Variants in MICAL1 observed in about 807,000 individuals in gnomAD.
The protein encoded by MICAL1 is microtubule associated monooxygenase, calponin and LIM domain containing 1.
A neutral mutation model predicts 131.8 loss-of-function variants in MICAL1; 95 were observed. The observed-to-expected ratio is 0.72, with a 90% CI of 0.61 to 0.86. The LOEUF is 0.86. Among genes scored for constraint, MICAL1 ranks in the 40% least tolerant of loss-of-function variants. MICAL1 has a pLI of 0.00. For missense variants in MICAL1, 1,292 were observed against 1,380.6 expected (o/e 0.94, Z 1.02); for synonymous variants, 546 against 554.2 (o/e 0.99, Z 0.21).
upstream of MICAL1, among the ~76,000 whole-genome samples, chr6:109,456,865 T>C (rs1239170074): frequency 6.6e-5 from 10 of 152,182 alleles, no homozygotes; most frequent in African/African-American, 2.2e-4. Context: ...GCAGAGCTGT[T>C]TGGGGGCCCA....
intron 7 of MICAL1, 76 bp from the exon 8 acceptor site, chr6:109,450,633 C>CTGGAGAGGTGGAAAA: frequency 6.7e-7 from 1 of 1,484,814 alleles, no homozygotes; most frequent in Non-Finnish European, 9.0e-7. Flanking sequence ...CCCTTGGGCG[C>CTGGAGAGGTGGAAAA]AGAAGGTGCA....
At chr6:109,449,262 C>A in intron 11 of MICAL1, 138 bp downstream of exon 11, 1 of 966,354 alleles carries the variant, frequency 1.0e-6, no homozygotes, top group Non-Finnish European at 1.7e-6. Flanking sequence ...CAGCAGGCCC[C>A]CAACCAACCC....
rs1259006052 is a variant in MICAL1, at chr6:109,455,200, G to C, written c.-44+519C>G. On this transcript the variant is annotated intron_variant, in intron 1 of 24. Coordinates refer to ENST00000358807, the MANE Select transcript of MICAL1 (RefSeq NM_022765.4). The surrounding 1 kb of genome is among the most constrained non-coding windows in gnomAD (Gnocchi z 4.7). ...GTATCAGAGGGTATGGAGGAGGCGG[G>C]TGTCCACGGCAGCGTTAGGGAGGGT... 1.3e-5 allele frequency among the ~76,000 whole-genome samples: 2 copies of C among 152,224 alleles called. No individual in the cohort carries two copies. The highest frequency in any genetic ancestry group is 2.9e-5 in the Non-Finnish European group (2 of 68,030).
In MICAL1 at chr6:109,455,009, G is replaced by GCCCCTCCCAGGTTCC. The variant is rs561917726; in HGVS notation, c.-44+695_-44+709dup. The GCCCCTCCCAGGTTCC allele has an allele frequency of 6.6e-6, 1 of 152,148 alleles. No homozygotes were observed. Among genetic ancestry groups the GCCCCTCCCAGGTTCC allele is most frequent in the Admixed American group, 6.5e-5 (1 of 15,276 alleles). 9.4% of individuals were successfully genotyped at this position (152,148 alleles called of 1,614,324 possible). A position where few individuals can be genotyped will look rare whatever the true frequency, so the allele number is the denominator to read the frequency against. On this transcript the variant is annotated intron_variant, in intron 1 of 24. Coordinates refer to ENST00000358807, the MANE Select transcript of MICAL1 (RefSeq NM_022765.4). The surrounding 1 kb of genome is among the most constrained non-coding windows in gnomAD (Gnocchi z 4.7). ...CTGGGGGTCGACCGCAGCCGGGTGCGCCCCTCCCAGGTTCCCCCCTCCCTG... is the reference window on the plus strand; with the variant it reads ...CTGGGGGTCGACCGCAGCCGGGTGCGCCCCTCCCAGGTTCCCCCCTCCCAGGTTCCCCCCTCCCTG...
At chr6:109,456,085 A>T, upstream of MICAL1, 1 of 938,384 alleles carries the variant, frequency 1.1e-6, no homozygotes, top group Non-Finnish European at 1.3e-6. Context: ...TTGGGGGCTG[A>T]GGAGCTCGAG....
Position 109,449,440 on chromosome 6 carries a change from C to G in MICAL1, c.1476G>C (p.Gln492His), listed in dbSNP as rs1775413415. ...CTGTATCTGTCTTGTCGTTGTTCCT[C>G]TGCACAGGCTCCTTGGCTAGCACAT... ...LYDVLAKEPV[Q>H]RNNDKTDTGM... The change falls in exon 11 of 25, where the codon CAG becomes CAC. Residue 492 changes from glutamine to histidine, a missense_variant. Coordinates refer to ENST00000358807, the MANE Select transcript of MICAL1 (RefSeq NM_022765.4). The G allele has an allele frequency of 6.2e-7, 1 of 1,614,122 alleles. No individual in the cohort carries two copies. Among genetic ancestry groups the G allele is most frequent in the African/African-American group, 1.3e-5 (1 of 74,932 alleles).
rs1198471424 is a variant in MICAL1, at chr6:109,455,234, G to A, written c.-44+485C>T. On this transcript the variant is annotated intron_variant, in intron 1 of 24. Coordinates refer to ENST00000358807, the MANE Select transcript of MICAL1 (RefSeq NM_022765.4). This position sits in a 1 kb window ranked among gnomAD's most constrained non-coding sequence, Gnocchi z 4.7. ...GCAGCGTTAGGGAGGGTGAATGGCA[G>A]CAGTGGGGGCAGGTCCCTGAGGCTC... 2.6e-5 allele frequency among the ~76,000 whole-genome samples: 4 copies of A among 152,230 alleles called. No individual in the cohort carries two copies. The highest frequency in any genetic ancestry group is 4.4e-5 in the Non-Finnish European group (3 of 68,044).
At position 109,446,445 on chromosome 6, in the gene MICAL1, G is replaced by A. The variant is rs1156860897; in HGVS notation, c.2305-33C>T. Reference sequence around the variant, plus strand: ...AGCCACCATGTGGAGTGAGGTCGGGGGGTGAGGCCACCCCTTCGGAGCAAA... The same window carrying A: ...AGCCACCATGTGGAGTGAGGTCGGGAGGTGAGGCCACCCCTTCGGAGCAAA... On this transcript the variant is annotated intron_variant, in intron 18 of 24. Transcript: ENST00000358807. 4 of 602,246 alleles carry A rather than the reference G, an allele frequency of 6.6e-6. No individual in the cohort carries two copies. In the East Asian group the frequency reaches 2.3e-4, roughly 35 times the overall value. The allele number at this position is 602,246 out of a possible 1,614,324, so 37.3% of individuals were successfully genotyped here. A position where few individuals can be genotyped will look rare whatever the true frequency, so the allele number is the denominator to read the frequency against.
intron 16 of MICAL1, 24 bp from the exon 17 acceptor site, chr6:109,447,253 G>C: frequency 6.2e-7 from 1 of 1,613,968 alleles, no homozygotes; most frequent in Non-Finnish European, 8.5e-7. Flanking sequence ...CAGGACACAG[G>C]GTCAGGTGGA....
In MICAL1 at chr6:109,449,737, G is replaced by T. The variant is rs773516023; in HGVS notation, c.1354C>A (p.His452Asn). The change falls in exon 10 of 25, where the codon CAT becomes AAT. Residue 452 changes from histidine to asparagine, a missense_variant. Coordinates refer to ENST00000358807, the MANE Select transcript of MICAL1 (RefSeq NM_022765.4). Reference protein sequence around the residue: ...LLSQTSPENMHRNVAQYGLDP... With the variant: ...LLSQTSPENMNRNVAQYGLDP... The stretch of plus-strand genomic sequence containing the variant: ...AGCCCATACTGGGCCACATTGCGAT[G>T]CATGTTTTCTGGGGATGTCTGTGAC... 1 of 1,606,948 alleles carries T rather than the reference G, an allele frequency of 6.2e-7. No individual in the cohort carries two copies. The highest frequency in any genetic ancestry group is 1.1e-5 in the South Asian group (1 of 89,754).
chr6:109,461,944 C>A (rs1450563582), intron 1 of MICAL1, among the ~76,000 whole-genome samples: 3 of 152,104 alleles, frequency 2.0e-5, no homozygotes. Flanking sequence ...TAATTACTCA[C>A]CTCACCAGAA....
chr6:109,452,531 C>A lies in MICAL1; in HGVS notation c.656G>T (p.Gly219Val), dbSNP rs765464483. The A allele has an allele frequency of 1.9e-5, 31 of 1,614,052 alleles. No individual in the cohort carries two copies. The Admixed American group carries it at 5.0e-4, about 26-fold the overall frequency. ...YEFDVLISAAGGKFVPEGFKV... is the reference protein window; with the variant it reads ...YEFDVLISAAVGKFVPEGFKV... ...CTCACCTTCAGGGACGAATTTACCT[C>A]CTGCAGCCGAGATAAGGACGTCAAA... is the stretch of plus-strand genomic sequence containing the variant. Residue 219 changes from glycine (G) to valine (V), a missense_variant, in exon 5 of 25, where the codon GGA becomes GTA. By Grantham distance (109) the Gly-to-Val change is moderately radical (BLOSUM62 -3). Transcript: ENST00000358807.
upstream of MICAL1, chr6:109,455,800 C>T (rs1463443562): frequency 1.1e-5 from 2 of 180,874 alleles, no homozygotes; most frequent in East Asian, 7.5e-4. The surrounding 1 kb of genome is among the most constrained non-coding windows in gnomAD (Gnocchi z 4.7). Flanking sequence ...GGGGCGGGGG[C>T]GGGGGCGGAA....
chr6:109,465,459 C>T, intron 1 of MICAL1: 1 of 607,698 alleles, frequency 1.6e-6, no homozygotes, highest in East Asian at 2.8e-5. Context: ...CCAGTTCAAC[C>T]AAAATGACTC....
Position 109,444,398 on chromosome 6 carries a change from A to G in MICAL1, c.3056-59T>C, listed in dbSNP as rs376581736. The G allele has an allele frequency of 1.6e-5, 25 of 1,607,088 alleles. No individual in the cohort carries two copies. In the East Asian group the frequency reaches 3.8e-4, roughly 24 times the overall value. ...AACTGGGCAGGGAAGCAGGAGGGCC[A>G]CAACCTAATCCCAGCCTATGTGATT... is the stretch of plus-strand genomic sequence containing the variant. On this transcript the variant is annotated intron_variant, in intron 24 of 24. Coordinates refer to ENST00000358807, the MANE Select transcript of MICAL1 (RefSeq NM_022765.4).
chr6:109,454,916 T>G (rs1775685528), intron 1 of MICAL1: 1 of 152,424 alleles, frequency 6.6e-6, no homozygotes, highest in African/African-American at 2.4e-5. Flanking sequence ...CTGGGTCTAT[T>G]TCTGACGCAC....
chr6:109,463,698 A>C (rs1049415368), intron 1 of MICAL1: 6 of 152,258 alleles, frequency 3.9e-5, no homozygotes, highest in Non-Finnish European at 7.3e-5. Context: ...GATGTGCAGA[A>C]AGTGTAAAAT....
Position 109,465,961 on chromosome 6 carries a change from T to C in MICAL1, c.-284A>G, listed in dbSNP as rs574657385. 4.3e-6 allele frequency: 7 copies of C among 1,614,218 alleles called. No individual in the cohort carries two copies. The Middle Eastern group carries it at 4.9e-4, about 114-fold the overall frequency. ...TGCTGAGCTGGATCTGAAGTACTTG[T>C]AGCTAAATGGAGCTCCTCTGTTTGC... On this transcript the variant is annotated 5_prime_UTR_variant, in exon 1 of 25. Transcript: ENST00000630715.
intron 20 of MICAL1, 21 bp from the exon 21 acceptor site, chr6:109,445,550 T>A: frequency 6.2e-7 from 1 of 1,611,216 alleles, no homozygotes; most frequent in Admixed American, 1.7e-5. Context: ...GTCAGGCCAG[T>A]CAGGGATAGG....
Sources: allele counts gnomAD v4.1 joint callset (sites outside exome capture counted in the v4.1 genomes callset), GRCh38; gene constraint gnomAD v4.1.1; non-coding constraint Gnocchi (gnomAD v3.1); transcripts MANE v1.5; gene names NCBI Gene and HGNC (gene_info 2026-07-23, HGNC 2026-07-21).